Variants in COL26A1 observed in about 807,000 individuals in gnomAD.
COL26A1 encodes the protein collagen type XXVI alpha 1 chain.
A neutral mutation model predicts 59.3 loss-of-function variants in COL26A1; 41 were observed. That is an observed-to-expected ratio of 0.69 (90% CI 0.54 to 0.90). The LOEUF is 0.90. COL26A1 is among the 40% of genes least tolerant of loss of function. The pLI, the probability that COL26A1 is intolerant of heterozygous loss-of-function variation, is 0.00. For missense variants in COL26A1, 612 were observed against 602.3 expected, an observed-to-expected ratio of 1.02 and a Z score of -0.17; for synonymous variants, 266 against 256.0, an observed-to-expected ratio of 1.04 and a Z score of -0.37.
At chr7:101,533,804 C>T (rs114985058) in intron 4 of COL26A1, among the ~76,000 whole-genome samples, 8,353 of 152,210 alleles carry the variant, frequency 0.055, 379 homozygotes, top group African/African-American at 0.12. Flanking sequence ...CACCTTAGGG[C>T]GATGAAGCCA....
intron 6 of COL26A1, among the ~76,000 whole-genome samples, chr7:101,545,106 C>T (rs1460203359): frequency 6.6e-6 from 1 of 152,144 alleles, no homozygotes; most frequent in Non-Finnish European, 1.5e-5. Context: ...GCCCCCCTCA[C>T]CCTCCCAAGC....
intron 3 of COL26A1, among the ~76,000 whole-genome samples, chr7:101,464,603 G>T (rs982936798): frequency 6.6e-6 from 1 of 150,608 alleles, no homozygotes; most frequent in Non-Finnish European, 1.5e-5. Flanking sequence ...TAGAGATGAG[G>T]TTTCTCCATG....
intron 3 of COL26A1, among the ~76,000 whole-genome samples, chr7:101,512,623 A>G (rs1457473902): frequency 6.6e-6 from 1 of 152,186 alleles, no homozygotes; most frequent in Non-Finnish European, 1.5e-5. Context: ...CCCTGTCTCA[A>G]AAAAACAGAA....
At chr7:101,478,307 A>G (rs575011658) in intron 3 of COL26A1, among the ~76,000 whole-genome samples, 1 of 152,082 alleles carries the variant, frequency 6.6e-6, no homozygotes, top group East Asian at 1.9e-4. Flanking sequence ...GAAAACACAA[A>G]CCTTTCTGTG....
At chr7:101,382,579 A>G (rs1791473753) in intron 1 of COL26A1, among the ~76,000 whole-genome samples, 1 of 152,188 alleles carries the variant, frequency 6.6e-6, no homozygotes, top group Non-Finnish European at 1.5e-5. Flanking sequence ...TCTTTATCAT[A>G]TATTTTGTTA....
At chr7:101,482,674 G>C (rs181084622) in intron 3 of COL26A1, among the ~76,000 whole-genome samples, 2 of 152,214 alleles carry the variant, frequency 1.3e-5, no homozygotes, top group African/African-American at 2.4e-5. Context: ...GAGCATCTCA[G>C]GGCTCCTTAG....
At chr7:101,500,058 TCTA>T (rs1353113016) in intron 3 of COL26A1, among the ~76,000 whole-genome samples, 1 of 152,152 alleles carries the variant, frequency 6.6e-6, no homozygotes, top group Non-Finnish European at 1.5e-5. Context: ...GCTGTCTTGT[TCTA>T]TGGAATAAGC....
chr7:101,543,745 G>A (rs894535794), intron 5 of COL26A1, among the ~76,000 whole-genome samples: 4 of 152,210 alleles, frequency 2.6e-5, no homozygotes, highest in Non-Finnish European at 4.4e-5. Flanking sequence ...ACCTTCCTGA[G>A]CCTCAGTTTC....
chr7:101,465,691 C>CAAAAA (rs539721605), intron 3 of COL26A1, among the ~76,000 whole-genome samples: 27 of 102,286 alleles, frequency 2.6e-4, no homozygotes, highest in East Asian at 1.1e-3. Context: ...GAAACTGTCT[C>CAAAAA]AAAAAAAAAA....
At chr7:101,491,963 T>C (rs1794470461) in intron 3 of COL26A1, among the ~76,000 whole-genome samples, 1 of 152,144 alleles carries the variant, frequency 6.6e-6, no homozygotes, top group Admixed American at 6.6e-5. Flanking sequence ...GCATTTGGGA[T>C]GCATGTCCCC....
At position 101,391,791 on chromosome 7, in the gene COL26A1, A is replaced by G. The variant is rs549673433; in HGVS notation, c.159-28186A>G. On this transcript the variant is annotated intron_variant, in intron 1 of 12. Coordinates refer to ENST00000313669, the MANE Select transcript of COL26A1 (RefSeq NM_001278563.3). ...GCTGGTCTCAAACTCCTGACCTCAA[A>G]TGATCTGCCCACCTCGGTCTTCCAA... 2.0e-3 allele frequency among the ~76,000 whole-genome samples: 308 copies of G among 152,176 alleles called. 1 individual carries two copies. Among genetic ancestry groups the G allele is most frequent in the Middle Eastern group, 3.4e-3 (1 of 294 alleles).
intron 1 of COL26A1, among the ~76,000 whole-genome samples, chr7:101,363,622 CTG>C (rs1562948207): frequency 6.4e-5 from 9 of 139,866 alleles, no homozygotes; most frequent in South Asian, 4.4e-4. Flanking sequence ...GGCTGCGGGG[CTG>C]CGGGGTTGCG....
At chr7:101,421,112 G>A (rs1792509072) in intron 2 of COL26A1, among the ~76,000 whole-genome samples, 1 of 152,174 alleles carries the variant, frequency 6.6e-6, no homozygotes, top group African/African-American at 2.4e-5. Context: ...GGAAGGGATG[G>A]GGGAGAGGGA....
chr7:101,488,349 A>AATATATATATATATATATAT (rs368433793), intron 3 of COL26A1, among the ~76,000 whole-genome samples: 1 of 104,988 alleles, frequency 9.5e-6, no homozygotes, highest in African/African-American at 4.2e-5. Context: ...AATTTTATTT[A>AATATATATATATATATATAT]ATATATATAT....
At chr7:101,390,906 C>T (rs964865716) in intron 1 of COL26A1, among the ~76,000 whole-genome samples, 2 of 152,188 alleles carry the variant, frequency 1.3e-5, no homozygotes, top group African/African-American at 4.8e-5. Flanking sequence ...GTGGGCCTCC[C>T]GGGGACCTCA....
intron 3 of COL26A1, among the ~76,000 whole-genome samples, chr7:101,520,252 G>A (rs1421434273): frequency 6.6e-6 from 1 of 152,120 alleles, no homozygotes; most frequent in East Asian, 1.9e-4. Context: ...GTACGCTCTT[G>A]AGTCAAGCCC....
chr7:101,490,825 G>A (rs1052384003), intron 3 of COL26A1, among the ~76,000 whole-genome samples: 2 of 151,818 alleles, frequency 1.3e-5, no homozygotes, highest in African/African-American at 2.4e-5. Context: ...ATGGTGAAAC[G>A]CTGTCTCTAC....
At chr7:101,468,457 A>G (rs1246474715) in intron 3 of COL26A1, among the ~76,000 whole-genome samples, 1 of 152,118 alleles carries the variant, frequency 6.6e-6, no homozygotes, top group Non-Finnish European at 1.5e-5. Flanking sequence ...TCTCTTCTGG[A>G]AATAGGGTCA....
intron 2 of COL26A1, among the ~76,000 whole-genome samples, chr7:101,432,550 A>C (rs2130323231): frequency 6.6e-6 from 1 of 152,286 alleles, no homozygotes; most frequent in African/African-American, 2.4e-5. Flanking sequence ...GGGAGCCGGC[A>C]GCTGTGCTTT....
Sources: gnomAD v4.1 joint callset for allele counts (sites outside exome capture counted in the v4.1 genomes callset) on GRCh38, gnomAD v4.1.1 for gene constraint, MANE v1.5 for transcripts, NCBI Gene and HGNC (gene_info 2026-07-23, HGNC 2026-07-21) for gene names.